The following BZW2 variants were observed in gnomAD, a reference collection of about 807,000 sequenced individuals.
BZW2 encodes the protein eIF5-mimic protein 1.
In BZW2, 23 loss-of-function variants were observed where a neutral mutation model predicts 53.2. The observed-to-expected ratio is 0.43, with a 90% CI of 0.31 to 0.61. BZW2 has a LOEUF of 0.61. Ranked by LOEUF, BZW2 falls within the 20% of genes least tolerant of loss-of-function variation. BZW2 has a pLI of 0.09. For missense variants in BZW2, 409 were observed against 503.1 expected, an observed-to-expected ratio of 0.81 and a Z score of 1.79; for synonymous variants, 227 against 186.4, an observed-to-expected ratio of 1.22 and a Z score of -1.77.
At chr7:16,682,956 GGGA>G (rs1562489512) in intron 5 of BZW2, 111 bp downstream of exon 5, 1 of 552,422 alleles carries the variant, frequency 1.8e-6, no homozygotes, top group East Asian at 4.0e-5. Context: ...CCAGCACTTT[GGGA>G]GGCCGAGACG....
chr7:16,657,828 A>C (rs1209085328), intron 1 of BZW2, among the ~76,000 whole-genome samples: 6 of 152,168 alleles, frequency 3.9e-5, no homozygotes, highest in Non-Finnish European at 5.9e-5. Context: ...GGCTTTGCTC[A>C]CCATTGTTTC....
intron 9 of BZW2, 54 bp from the exon 10 acceptor site, chr7:16,697,994 C>A: frequency 6.2e-7 from 1 of 1,602,012 alleles, no homozygotes; most frequent in South Asian, 1.1e-5. Flanking sequence ...CCAGCAGTGT[C>A]GGCTCTGTAC....
chr7:16,702,573 G>A (rs893221999), intron 10 of BZW2, among the ~76,000 whole-genome samples: 1 of 152,100 alleles, frequency 6.6e-6, no homozygotes, highest in Non-Finnish European at 1.5e-5. Context: ...CTTTTCACAA[G>A]CACTGACATT....
intron 1 of BZW2, among the ~76,000 whole-genome samples, chr7:16,653,413 A>G (rs1782036217): frequency 6.6e-6 from 1 of 152,156 alleles, no homozygotes; most frequent in East Asian, 1.9e-4. Flanking sequence ...AATAGTCACC[A>G]ACACTCCCAT....
At chr7:16,690,589 T>C (rs1783270681) in intron 7 of BZW2, among the ~76,000 whole-genome samples, 1 of 152,236 alleles carries the variant, frequency 6.6e-6, no homozygotes, top group Admixed American at 6.5e-5. Context: ...TTGTGATGTC[T>C]GTCTTGAGTA....
At chr7:16,669,375 A>C (rs1180371172) in intron 2 of BZW2, among the ~76,000 whole-genome samples, 1 of 151,924 alleles carries the variant, frequency 6.6e-6, no homozygotes, top group African/African-American at 2.4e-5. Flanking sequence ...TGATCCATCT[A>C]CCTTGGCCTC....
chr7:16,667,564 C>A (rs1156306403), intron 2 of BZW2, among the ~76,000 whole-genome samples: 2 of 152,170 alleles, frequency 1.3e-5, no homozygotes, highest in Admixed American at 1.3e-4. Context: ...AGTAACAAGT[C>A]TAGTCACGTA....
chr7:16,666,858 T>A (rs1425115638), intron 2 of BZW2, among the ~76,000 whole-genome samples: 1 of 152,162 alleles, frequency 6.6e-6, no homozygotes, highest in East Asian at 1.9e-4. Flanking sequence ...CAAGCGATGT[T>A]CATGTCTTAG....
Position 16,665,454 on chromosome 7 carries a change from A to G in BZW2, c.11A>G (p.His4Arg), listed in dbSNP as rs770948789. 1.9e-6 allele frequency: 3 copies of G among 1,614,202 alleles called. No individual in the cohort carries two copies. Among genetic ancestry groups the G allele is most frequent in the Non-Finnish European group, 2.5e-6 (3 of 1,180,040 alleles). MNKHQKPVLTGQRF... is the reference protein window; with the variant it reads MNKRQKPVLTGQRF... ...GTTTTCAGAAATTTTATGAATAAGC[A>G]TCAGAAGCCAGTGCTAACAGGCCAG... The change falls in exon 2 of 12, where the codon CAT becomes CGT. Residue 4 changes from histidine (H) to arginine (R), a missense_variant. His to Arg is a conservative substitution (Grantham distance 29). Around this residue, in one of 3 missense-constraint regions of BZW2, gnomAD observed 316 missense variants for 366.8 expected, o/e 0.86. Transcript: ENST00000258761.
Position 16,704,567 on chromosome 7 carries a change from G to T in BZW2, c.1129G>T (p.Ala377Ser). Residue 377 changes from alanine to serine, a missense_variant, in exon 11 of 12, where the codon GCA becomes TCA. Transcript: ENST00000258761. ...FYKADVLSEEAILKWYKEAHV... is the reference protein window; with the variant it reads ...FYKADVLSEESILKWYKEAHV... ...TGCAGCTGATGTTCTGAGCGAAGAA[G>T]CAATACTGAAATGGTATAAGGAAGC... is the stretch of plus-strand genomic sequence containing the variant. 2 of 1,564,244 alleles carry T rather than the reference G, an allele frequency of 1.3e-6. No homozygotes were observed. The highest frequency in any genetic ancestry group is 1.8e-6 in the Non-Finnish European group (2 of 1,142,768).
Position 16,705,542 on chromosome 7 carries a change from G to A in BZW2, c.1232-518G>A, listed in dbSNP as rs560872115. On this transcript the variant is annotated intron_variant, in intron 11 of 11. Transcript: ENST00000258761. The stretch of plus-strand genomic sequence containing the variant: ...CTACTAAAAATATAAAAAATTAGCC[G>A]GGCATGGTGGTGGGCACCTGTAGTC... 1.5e-3 allele frequency among the ~76,000 whole-genome samples: 231 copies of A among 150,874 alleles called. 2 individuals carry two copies. Among genetic ancestry groups the A allele is most frequent in the Non-Finnish European group, 2.6e-3 (173 of 67,744 alleles).
At chr7:16,698,472 T>G (rs2128369563) in intron 10 of BZW2, among the ~76,000 whole-genome samples, 1 of 152,338 alleles carries the variant, frequency 6.6e-6, no homozygotes, top group East Asian at 1.9e-4. Context: ...TGTAATTATA[T>G]AAAATTGAGC....
intron 6 of BZW2, chr7:16,686,954 G>T (rs1783146062): frequency 6.6e-6 from 1 of 152,060 alleles, no homozygotes; most frequent in African/African-American, 2.4e-5. Flanking sequence ...GTATTTCCCT[G>T]AAGAAAATTC....
At chr7:16,667,679 A>T (rs1002947123) in intron 2 of BZW2, among the ~76,000 whole-genome samples, 1 of 152,216 alleles carries the variant, frequency 6.6e-6, no homozygotes, top group Non-Finnish European at 1.5e-5. Context: ...ATCTGCTGGG[A>T]AGCTTCATGT....
At chr7:16,648,287 T>C (rs527721810) in intron 1 of BZW2, among the ~76,000 whole-genome samples, 1 of 152,346 alleles carries the variant, frequency 6.6e-6, no homozygotes, top group South Asian at 2.1e-4. Context: ...TGCTAGATAT[T>C]CTACCAGATG....
intron 9 of BZW2, 80 bp downstream of exon 9, chr7:16,697,141 G>C (rs560985144): frequency 6.7e-7 from 1 of 1,500,896 alleles, no homozygotes; most frequent in Non-Finnish European, 9.0e-7. Context: ...TTGTTTGAGA[G>C]TGCAGTGGCA....
chr7:16,701,231 C>T (rs992202774), intron 10 of BZW2, among the ~76,000 whole-genome samples: 2 of 152,164 alleles, frequency 1.3e-5, no homozygotes, highest in South Asian at 4.1e-4. Context: ...TGCTAACTTT[C>T]AAGCATCACA....
chr7:16,665,544 C>A (rs766164568), intron 2 of BZW2, 43 bp downstream of exon 2: 1 of 1,595,652 alleles, frequency 6.3e-7, no homozygotes. Flanking sequence ...AAGTTGTAAC[C>A]AAAATATAAG....
chr7:16,657,506 T>C (rs764402278), intron 1 of BZW2, among the ~76,000 whole-genome samples: 29 of 152,220 alleles, frequency 1.9e-4, no homozygotes, highest in Admixed American at 2.6e-4. Context: ...TGAGCTTCTT[T>C]TTCTGCTCTC....
Sources: allele counts gnomAD v4.1 joint callset (sites outside exome capture counted in the v4.1 genomes callset), GRCh38; gene constraint gnomAD v4.1.1; regional missense constraint gnomAD v4.1.1; transcripts MANE v1.5; gene names NCBI Gene and HGNC (gene_info 2026-07-23, HGNC 2026-07-21).